DNPEP: variants seen among roughly 807,000 people sequenced by gnomAD.
DNPEP encodes aspartyl aminopeptidase.
In DNPEP, 46 loss-of-function variants were observed where a neutral mutation model predicts 59.1. That is an observed-to-expected ratio of 0.78 (90% CI 0.61 to 0.99). DNPEP has a LOEUF of 0.99. DNPEP is among the 50% of genes least tolerant of loss of function. The pLI, the probability that DNPEP is intolerant of heterozygous loss-of-function variation, is 0.00. For synonymous variants in DNPEP, 229 were observed against 242.2 expected, an observed-to-expected ratio of 0.95 and a Z score of 0.50; for missense variants, 617 against 649.9, an observed-to-expected ratio of 0.95 and a Z score of 0.55.
chr2:219,399,405 G>A (rs1015670689), intron 1 of DNPEP: 1 of 457,110 alleles, frequency 2.2e-6, no homozygotes, highest in Non-Finnish European at 4.4e-6. Flanking sequence ...ATCCCCCGGA[G>A]TGCTATTTAA....
intron 14 of DNPEP, 96 bp downstream of exon 14, chr2:219,374,759 C>T (rs1333484616): frequency 7.0e-7 from 1 of 1,427,588 alleles, no homozygotes; most frequent in Non-Finnish European, 9.6e-7. Context: ...TTACTCAGGC[C>T]AGTCACTTTG....
At chr2:219,397,576 T>A (rs1384046174) in intron 1 of DNPEP, among the ~76,000 whole-genome samples, 1 of 152,210 alleles carries the variant, frequency 6.6e-6, no homozygotes, top group Non-Finnish European at 1.5e-5. Flanking sequence ...TGGAGATTCC[T>A]ATTAGGCCCA....
At position 219,386,393 on chromosome 2, in the gene DNPEP, G is replaced by A. The variant is rs752342355; in HGVS notation, c.352C>T (p.Arg118Cys). ...PCLRVKRRSRRSQVGFQQVGV... is the reference protein window; with the variant it reads ...PCLRVKRRSRCSQVGFQQVGV... Reference sequence around the variant, plus strand: ...ACTTGCTGGAAGCCCACCTGGCTGCGGCGAGACCGACGTTTCACCTGAGTG... The same window carrying A: ...ACTTGCTGGAAGCCCACCTGGCTGCAGCGAGACCGACGTTTCACCTGAGTG... The change falls in exon 5 of 15, where the codon CGC (arginine) becomes TGC (cysteine). Residue 118 changes from arginine (R) to cysteine (C), a missense_variant. Coordinates refer to ENST00000273075, the MANE Select transcript of DNPEP (RefSeq NM_012100.4). 7.2e-5 allele frequency: 117 copies of A among 1,614,090 alleles called. No homozygotes were observed. The highest frequency in any genetic ancestry group is 9.3e-5 in the Non-Finnish European group (110 of 1,180,046).
Position 219,374,187 on chromosome 2 carries a change from C to A in DNPEP, c.*105G>T. The A allele has an allele frequency of 8.9e-7, 1 of 1,119,226 alleles. No individual in the cohort carries two copies. Among genetic ancestry groups the A allele is most frequent in the Non-Finnish European group, 1.4e-6 (1 of 740,736 alleles). The allele number at this position is 1,119,226 out of a possible 1,614,324, so 69.3% of individuals were successfully genotyped here. A position where few individuals can be genotyped will look rare whatever the true frequency, so the allele number is the denominator to read the frequency against. ...CTCTAGTCTCCAAATAAGCGTAGCA[C>A]GGAGAGTCTGAGTGACAATCCACTT... On this transcript the variant is annotated 3_prime_UTR_variant, in exon 15 of 15. Transcript: ENST00000273075.
intron 9 of DNPEP, among the ~76,000 whole-genome samples, chr2:219,384,131 TCTC>T (rs773401674): frequency 3.1e-4 from 47 of 152,088 alleles, no homozygotes; most frequent in Non-Finnish European, 5.9e-4. Flanking sequence ...TGAAACAACT[TCTC>T]CTCCTTCTTC....
At position 219,385,665 on chromosome 2, in the gene DNPEP, T is replaced by G. The variant is rs764616876; in HGVS notation, c.632A>C (p.Lys211Thr). ...LATAIQEELE[K>T]GTPEPGPLNA... is the part of the protein sequence containing the mutation. ...GAGAGGCCCTGGCTCAGGAGTCCCC[T>G]TCTCCAGCTCCTCCTGGATGGCTGT... Residue 211 changes from lysine (K) to threonine (T), a missense_variant, in exon 7 of 15, where the codon AAG (lysine) becomes ACG (threonine). By Grantham distance (78) the Lys-to-Thr change is moderately conservative. Coordinates refer to ENST00000273075, the MANE Select transcript of DNPEP (RefSeq NM_012100.4). 6.2e-7 allele frequency: 1 copy of G among 1,611,008 alleles called. No individual in the cohort carries two copies. Among genetic ancestry groups the G allele is most frequent in the South Asian group, 1.1e-5 (1 of 90,338 alleles).
upstream of DNPEP, chr2:219,388,103 C>A (rs188502955): frequency 5.1e-3 from 1,516 of 296,888 alleles, 16 homozygotes; most frequent in Middle Eastern, 0.032. Context: ...CACCGCCCGC[C>A]CCGCCCCGCC....
intron 8 of DNPEP, chr2:219,385,189 G>C: frequency 2.1e-6 from 1 of 476,782 alleles, no homozygotes; most frequent in East Asian, 3.2e-5. Flanking sequence ...AACTCTTTGG[G>C]AATCTGTAAA....
intron 8 of DNPEP, 59 bp downstream of exon 8, chr2:219,385,359 ACGGGCT>A (rs753440790): frequency 4.3e-4 from 470 of 1,099,146 alleles, no homozygotes; most frequent in Non-Finnish European, 5.9e-4. Flanking sequence ...CTTCAGCAGG[ACGGGCT>A]AGGGGTGGCC....
At chr2:219,378,867 T>TGAC (rs71040452) in intron 13 of DNPEP, among the ~76,000 whole-genome samples, 2 of 151,674 alleles carry the variant, frequency 1.3e-5, no homozygotes, top group African/African-American at 4.8e-5. Flanking sequence ...TACCTAAGAA[T>TGAC]AATAAATGAC....
intron 1 of DNPEP, 70 bp downstream of exon 1, chr2:219,387,689 C>T (rs1432392516): frequency 6.2e-7 from 1 of 1,600,118 alleles, no homozygotes; most frequent in Admixed American, 1.7e-5. Context: ...CCGCGCTAAG[C>T]TTGGGCCCCG....
At chr2:219,381,868 AGAAT>A in intron 11 of DNPEP, 107 bp downstream of exon 11, 1 of 1,364,882 alleles carries the variant, frequency 7.3e-7, no homozygotes, top group South Asian at 1.3e-5. Context: ...ACCTCCCGGC[AGAAT>A]GAAGAAGGGA....
In DNPEP at chr2:219,386,358, C is replaced by A; in HGVS notation, c.387G>T (p.Glu129Asp). The change falls in exon 5 of 15, where the codon GAG (glutamate) becomes GAT (aspartate). Residue 129 changes from glutamate to aspartate, a missense_variant. Coordinates refer to ENST00000273075, the MANE Select transcript of DNPEP (RefSeq NM_012100.4). ...TGCTCCAGATCCCACCACCATAGGT[C>A]TCCACACCGACTTGCTGGAAGCCCA... ...SQVGFQQVGVETYGGGIWSTW... is the reference protein window; with the variant it reads ...SQVGFQQVGVDTYGGGIWSTW... 6.2e-7 allele frequency: 1 copy of A among 1,614,238 alleles called. No individual in the cohort carries two copies. The highest frequency in any genetic ancestry group is 1.1e-5 in the South Asian group (1 of 91,088).
Position 219,373,876 on chromosome 2 carries a change from G to A in DNPEP, c.*416C>T. The A allele has an allele frequency of 5.1e-6, 1 of 195,144 alleles. No homozygotes were observed. The highest frequency in any genetic ancestry group is 1.1e-5 in the Non-Finnish European group (1 of 93,804). The allele number at this position is 195,144 out of a possible 1,614,324, so 12.1% of individuals were successfully genotyped here. A position where few individuals can be genotyped will look rare whatever the true frequency, so the allele number is the denominator to read the frequency against. ...TCTGCCCAGAGCAGCTCTGAAGGTG[G>A]CCCAGTGCAGAACAGGATCTCTGAA... On this transcript the variant is annotated 3_prime_UTR_variant, in exon 15 of 15. Transcript: ENST00000273075.
rs753959795 is a variant in DNPEP, at chr2:219,382,056, C to T, written c.1020G>A (p.Pro340=). 7.4e-6 allele frequency: 12 copies of T among 1,614,016 alleles called. No individual in the cohort carries two copies. Among genetic ancestry groups the T allele is most frequent in the African/African-American group, 1.3e-5 (1 of 74,934 alleles). Residue 340 remains proline, a synonymous_variant, in exon 11 of 15, where the codon CCG becomes CCA. Transcript: ENST00000273075. ...LRRISASCQH[P]TAFEEAIPKS... Reference sequence around the variant, plus strand: ...TGGGTATGGCTTCCTCGAAGGCTGTCGGGTGCTGGCACGAGGCTGAGATCC... The same window carrying T: ...TGGGTATGGCTTCCTCGAAGGCTGTTGGGTGCTGGCACGAGGCTGAGATCC...
upstream of DNPEP, chr2:219,388,653 C>A: frequency 2.0e-6 from 2 of 982,434 alleles, no homozygotes; most frequent in Non-Finnish European, 2.4e-6. Flanking sequence ...GCCCGCCTCC[C>A]CGTGCCCCGG....
chr2:219,386,639 AC>A, intron 4 of DNPEP, 25 bp downstream of exon 4: 2 of 1,590,560 alleles, frequency 1.3e-6, no homozygotes, highest in Non-Finnish European at 1.7e-6. Flanking sequence ...ATCTCCTCCC[AC>A]CCCAACACCG....
chr2:219,374,961 C>G lies in DNPEP; in HGVS notation c.1301G>C (p.Arg434Pro). The G allele has an allele frequency of 1.2e-6, 2 of 1,614,102 alleles. No homozygotes were observed. The highest frequency in any genetic ancestry group is 8.5e-7 in the Non-Finnish European group (1 of 1,180,026). Residue 434 changes from arginine to proline, a missense_variant, in exon 14 of 15, where the codon CGG becomes CCG. Physicochemically the swap from Arg to Pro is moderately radical, Grantham distance 103 (BLOSUM62 -2). Transcript: ENST00000273075. ...GTTIGPILAS[R>P]LGLRVLDLGS... is the part of the protein sequence containing the mutation. ...TAAATCCAGCACCCGCAGCCCCAGC[C>G]GAGAAGCCAAGATAGGTCCAATGGT...
At position 219,387,053 on chromosome 2, in the gene DNPEP, C is replaced by T. The variant is rs769071499; in HGVS notation, c.130+17G>A. ...CATCAGCCTCCACCCTCCTCCCTTG[C>T]CCTGGCCACCGCTTACCATGGAAAG... On this transcript the variant is annotated intron_variant, in intron 2 of 14. Coordinates refer to ENST00000273075, the MANE Select transcript of DNPEP (RefSeq NM_012100.4). 1 of 1,610,098 alleles carries T rather than the reference C, an allele frequency of 6.2e-7. No homozygotes were observed. The highest frequency in any genetic ancestry group is 8.5e-7 in the Non-Finnish European group (1 of 1,177,922).
Sources: gnomAD v4.1 joint callset for allele counts (sites outside exome capture counted in the v4.1 genomes callset) on GRCh38, gnomAD v4.1.1 for gene constraint, MANE v1.5 for transcripts, NCBI Gene and HGNC (gene_info 2026-07-23, HGNC 2026-07-21) for gene names.